Variants in L3MBTL2 observed in about 807,000 individuals in gnomAD.
L3MBTL2 encodes the protein lethal(3)malignant brain tumor-like protein 2.
Under a neutral mutation model 86.4 loss-of-function variants are expected in L3MBTL2, and 49 were observed. The observed-to-expected ratio is 0.57, with a 90% CI of 0.45 to 0.72. The LOEUF is 0.72. L3MBTL2 is among the 30% of genes least tolerant of loss of function. The probability of loss-of-function intolerance (pLI) is 0.00; values close to 1 mark genes in which losing one functional copy is unlikely to be tolerated. For missense variants in L3MBTL2, 755 were observed against 923.7 expected (o/e 0.82, Z 2.37); for synonymous variants, 336 against 350.6 (o/e 0.96, Z 0.47).
At chr22:41,217,694 T>TCCAGCAGCTGTGAC (rs1027640104) in intron 5 of L3MBTL2, 4 of 160,700 alleles carry the variant, frequency 2.5e-5, no homozygotes, top group Admixed American at 2.5e-4. Context: ...GAACCGAATA[T>TCCAGCAGCTGTGAC]CCAGCAGCTG....
chr22:41,220,622 C>T lies in L3MBTL2; in HGVS notation c.719-112C>T, dbSNP rs2031736721. Reference sequence around the variant, plus strand: ...GCAGTGAGCTGAGATGGCGCCACTGCACTCCAGCCTGGGCGACAGAGCAAG... The same window carrying T: ...GCAGTGAGCTGAGATGGCGCCACTGTACTCCAGCCTGGGCGACAGAGCAAG... On this transcript the variant is annotated intron_variant, in intron 6 of 16. Coordinates refer to ENST00000216237, the MANE Select transcript of L3MBTL2 (RefSeq NM_031488.5). 1.7e-5 allele frequency: 20 copies of T among 1,181,860 alleles called. No individual in the cohort carries two copies. In the South Asian group the frequency reaches 3.1e-4, roughly 18 times the overall value. 73.2% of individuals were successfully genotyped at this position (1,181,860 alleles called of 1,614,324 possible).
At chr22:41,208,730 A>C (rs560737707) in intron 1 of L3MBTL2, among the ~76,000 whole-genome samples, 1 of 152,122 alleles carries the variant, frequency 6.6e-6, no homozygotes, top group Non-Finnish European at 1.5e-5. Flanking sequence ...TTTGATGTAT[A>C]TTGAACGGGG....
intron 4 of L3MBTL2, among the ~76,000 whole-genome samples, chr22:41,216,830 A>C (rs1330896515): frequency 6.6e-6 from 1 of 152,238 alleles, no homozygotes; most frequent in Non-Finnish European, 1.5e-5. Context: ...ATTTAAGCCC[A>C]GGGATATTTC....
At chr22:41,217,224 G>T in intron 5 of L3MBTL2, 22 bp downstream of exon 5, 3 of 1,599,302 alleles carry the variant, frequency 1.9e-6, no homozygotes, top group Non-Finnish European at 2.6e-6. Flanking sequence ...GGAGCTGAGG[G>T]AGGGAGGCCG....
chr22:41,224,622 C>A lies in L3MBTL2; in HGVS notation c.1175-103C>A. The A allele has an allele frequency of 3.6e-6, 3 of 822,320 alleles. No individual in the cohort carries two copies. Among genetic ancestry groups the A allele is most frequent in the South Asian group, 3.0e-5 (2 of 66,840 alleles). 50.9% of individuals were successfully genotyped at this position (822,320 alleles called of 1,614,324 possible). On this transcript the variant is annotated intron_variant, in intron 9 of 16. Transcript: ENST00000216237. The surrounding 1 kb of genome is among the most constrained non-coding windows in gnomAD (Gnocchi z 4.9). Reference sequence around the variant, plus strand: ...AGATACAGAGATACAGCTGAGAACACGTGCAGAGCAGCCCCACATTCCCAG... The same window carrying A: ...AGATACAGAGATACAGCTGAGAACAAGTGCAGAGCAGCCCCACATTCCCAG...
Position 41,230,421 on chromosome 22 carries a change from C to G in L3MBTL2, c.*170C>G. 5.0e-6 allele frequency: 3 copies of G among 604,386 alleles called. No individual in the cohort carries two copies. In the South Asian group the frequency reaches 5.9e-5, roughly 12 times the overall value. 37.4% of individuals were successfully genotyped at this position (604,386 alleles called of 1,614,324 possible). ...AGGACCTGCTGGGGTCTCCTGGGAC[C>G]CGCCTGTTGCTTCTGCCCTCCCCTG... On this transcript the variant is annotated 3_prime_UTR_variant, in exon 17 of 17. Transcript: ENST00000216237.
chr22:41,216,766 C>G (rs2031400484), intron 4 of L3MBTL2, among the ~76,000 whole-genome samples: 1 of 152,208 alleles, frequency 6.6e-6, no homozygotes, highest in Admixed American at 6.5e-5. Context: ...GTGCGCACCC[C>G]CTCCCCCACA....
intron 1 of L3MBTL2, among the ~76,000 whole-genome samples, chr22:41,207,847 T>G (rs987596395): frequency 6.6e-6 from 1 of 151,234 alleles, no homozygotes; most frequent in African/African-American, 2.4e-5. Context: ...GCTTTTTTTT[T>G]TTGAGAAGGA....
chr22:41,211,573 T>TTTTTTTTTTTTTA (rs758875511), intron 2 of L3MBTL2, among the ~76,000 whole-genome samples: 1 of 139,578 alleles, frequency 7.2e-6, no homozygotes, highest in Non-Finnish European at 1.5e-5. Flanking sequence ...TTTTTTTTTT[T>TTTTTTTTTTTTTA]TGAGACGGAG....
In L3MBTL2 at chr22:41,221,175, A is replaced by G. The variant is rs777571366; in HGVS notation, c.854-24A>G. The G allele has an allele frequency of 5.2e-6, 8 of 1,534,404 alleles. No individual in the cohort carries two copies. In the South Asian group the frequency reaches 8.4e-5, roughly 16 times the overall value. ...TGGAGGTTTGTCAGTCTGTGTAACC[A>G]GGATTCTGCTGGTGCCTCCACAGCC... On this transcript the variant is annotated intron_variant, in intron 7 of 16. Transcript: ENST00000216237.
chr22:41,229,861 G>A (rs1601545747), intron 16 of L3MBTL2: 6 of 847,362 alleles, frequency 7.1e-6, no homozygotes, highest in Admixed American at 2.0e-5. Flanking sequence ...CCTCTAGCCC[G>A]GCCCCGGCCC....
In L3MBTL2 at chr22:41,216,292, G is replaced by C. The variant is rs770021384; in HGVS notation, c.520+30G>C. ...GATAGCAGAGGGCCCTGCTTAGGAA[G>C]CTGCCGTGGCTGGGGAGGAGACTGG... On this transcript the variant is annotated intron_variant, in intron 4 of 16. Coordinates refer to ENST00000216237, the MANE Select transcript of L3MBTL2 (RefSeq NM_031488.5). 3.1e-6 allele frequency: 5 copies of C among 1,601,210 alleles called. No individual in the cohort carries two copies. In the African/African-American group the frequency reaches 6.7e-5, roughly 21 times the overall value.
rs1350891317 is a variant in L3MBTL2 at position 41,225,416 on chromosome 22, T to C, written c.1356+345T>C. 6.6e-6 allele frequency among the ~76,000 whole-genome samples: 1 copy of C among 152,192 alleles called. No individual in the cohort carries two copies. Among genetic ancestry groups the C allele is most frequent in the Admixed American group, 6.5e-5 (1 of 15,276 alleles). ...GCAAGAGCCACAGCTGGGGTCACCT[T>C]GCTCCAAACCTCATCGCCTCCTCCT... On this transcript the variant is annotated intron_variant, in intron 11 of 16. Coordinates refer to ENST00000216237, the MANE Select transcript of L3MBTL2 (RefSeq NM_031488.5). This position sits in a 1 kb window ranked among gnomAD's most constrained non-coding sequence, Gnocchi z 4.1.
chr22:41,211,557 C>CTTTCTTT (rs1039028243), intron 2 of L3MBTL2, among the ~76,000 whole-genome samples: 10 of 97,358 alleles, frequency 1.0e-4, no homozygotes, highest in African/African-American at 1.3e-4. Flanking sequence ...ATCTTATTTC[C>CTTTCTTT]TTTTTTTTTT....
Position 41,227,197 on chromosome 22 carries a change from C to T in L3MBTL2, c.1696C>T (p.Leu566Phe), listed in dbSNP as rs1339888860. 6.2e-7 allele frequency: 1 copy of T among 1,613,712 alleles called. No individual in the cohort carries two copies. The highest frequency in any genetic ancestry group is 1.1e-5 in the South Asian group (1 of 91,074). The change falls in exon 14 of 17, where the codon CTC becomes TTC. Residue 566 changes from leucine (L) to phenylalanine (F), a missense_variant. By Grantham distance (22) the Leu-to-Phe change is conservative. Coordinates refer to ENST00000216237, the MANE Select transcript of L3MBTL2 (RefSeq NM_031488.5). The surrounding 1 kb of genome is among the most constrained non-coding windows in gnomAD (Gnocchi z 6.0). ...GGTGAAACGAGTGGTGCATCGGCTCCTCAGCATCCACTTTGACGGCTGGGA... is the reference window on the plus strand; with the variant it reads ...GGTGAAACGAGTGGTGCATCGGCTCTTCAGCATCCACTTTGACGGCTGGGA... The part of the protein sequence containing the change: ...ATVKRVVHRL[L>F]SIHFDGWDSE...
In L3MBTL2 at chr22:41,205,382, T is replaced by C; in HGVS notation, c.20T>C (p.Ile7Thr). Residue 7 changes from isoleucine to threonine, a missense_variant, in exon 1 of 17, where the codon ATT becomes ACT. By Grantham distance (89) the Ile-to-Thr change is moderately conservative. Coordinates refer to ENST00000216237, the MANE Select transcript of L3MBTL2 (RefSeq NM_031488.5). Reference sequence around the variant, plus strand: ...GGTCTCATGGAGAAGCCCCGGAGTATTGAGGTGAGAAGGCGAGGACTTAGC... The same window carrying C: ...GGTCTCATGGAGAAGCCCCGGAGTACTGAGGTGAGAAGGCGAGGACTTAGC... Reference protein sequence around the residue: MEKPRSIEETPSSEPME... With the variant: MEKPRSTEETPSSEPME... 1.2e-6 allele frequency: 2 copies of C among 1,614,036 alleles called. No individual in the cohort carries two copies. Among genetic ancestry groups the C allele is most frequent in the East Asian group, 2.2e-5 (1 of 44,872 alleles).
intron 1 of L3MBTL2, among the ~76,000 whole-genome samples, chr22:41,206,642 CA>C (rs983795001): frequency 1.3e-5 from 2 of 151,662 alleles, no homozygotes; most frequent in Non-Finnish European, 2.9e-5. Context: ...ACTAAAAATA[CA>C]AAAAAATTAG....
intron 8 of L3MBTL2, among the ~76,000 whole-genome samples, chr22:41,223,342 G>A (rs2031963169): frequency 6.6e-6 from 1 of 152,238 alleles, no homozygotes; most frequent in Non-Finnish European, 1.5e-5. Flanking sequence ...GGACAGCACT[G>A]AAGTCACAGT....
chr22:41,220,944 G>A, intron 7 of L3MBTL2, 76 bp downstream of exon 7: 1 of 1,503,904 alleles, frequency 6.6e-7, no homozygotes, highest in Admixed American at 1.8e-5. Flanking sequence ...CTTGTGTTAG[G>A]TAGAATGGGA....
Sources: gnomAD v4.1 joint callset for allele counts (sites outside exome capture counted in the v4.1 genomes callset) on GRCh38, gnomAD v4.1.1 for gene constraint, Gnocchi (gnomAD v3.1) non-coding constraint, MANE v1.5 for transcripts, NCBI Gene and HGNC (gene_info 2026-07-23, HGNC 2026-07-21) for gene names.